The following PIK3R4 variants were observed in gnomAD, a reference collection of about 807,000 sequenced individuals.
PIK3R4 encodes the protein phosphoinositide 3-kinase regulatory subunit 4.
In PIK3R4, 46 loss-of-function variants were observed where a neutral mutation model predicts 136.5. The ratio of observed to expected loss-of-function variants is 0.34; its 90% CI spans 0.27 to 0.43. The LOEUF (loss-of-function observed/expected upper bound fraction) is 0.43, where lower values mean the gene tolerates loss of function less well. Ranked by LOEUF, PIK3R4 falls within the 20% of genes least tolerant of loss-of-function variation. PIK3R4 has a pLI of 1.00. For missense variants in PIK3R4, 1,331 were observed against 1,649.5 expected, an observed-to-expected ratio of 0.81 and a Z score of 3.35; for synonymous variants, 557 against 566.7, an observed-to-expected ratio of 0.98 and a Z score of 0.24.
intron 2 of PIK3R4, among the ~76,000 whole-genome samples, chr3:130,738,959 T>C (rs939710519): frequency 1.3e-5 from 2 of 152,262 alleles, no homozygotes; most frequent in Non-Finnish European, 1.5e-5. Flanking sequence ...AAAATCATTT[T>C]TGCAACCATC....
chr3:130,732,131 A>C (rs981005869), intron 4 of PIK3R4, among the ~76,000 whole-genome samples: 1 of 152,232 alleles, frequency 6.6e-6, no homozygotes, highest in Admixed American at 6.5e-5. Context: ...ATTAGACCGG[A>C]TACATTTGGG....
chr3:130,723,062 C>CAAAAAAAAAAAAAAAAAAAA (rs61129038), intron 7 of PIK3R4, among the ~76,000 whole-genome samples: 1 of 19,494 alleles, frequency 5.1e-5, no homozygotes, highest in Non-Finnish European at 9.5e-5. Context: ...GAGACTGTCG[C>CAAAAAAAAAAAAAAAAAAAA]AAAAAAAAAA....
In PIK3R4 at chr3:130,733,691, T is replaced by A; in HGVS notation, c.1307A>T (p.Glu436Val). 6.2e-7 allele frequency: 1 copy of A among 1,614,150 alleles called. No homozygotes were observed. Among genetic ancestry groups the A allele is most frequent in the Non-Finnish European group, 8.5e-7 (1 of 1,179,968 alleles). Residue 436 changes from glutamate to valine, a missense_variant, in exon 4 of 20, where the codon GAA becomes GTA. Physicochemically the swap from Glu to Val is moderately radical, Grantham distance 121. This residue lies in a region of PIK3R4 where 1,180 missense variants were observed against 1,407.0 expected (regional missense o/e 0.84). Coordinates refer to ENST00000356763, the MANE Select transcript of PIK3R4 (RefSeq NM_014602.3). ...SNDSVPRVRA[E>V]ALRTLTKVLA... ...AACTTTGGTCAACGTCCTCAAGGCT[T>A]CAGCCCTCACCCTAGGAACAGAGTC... is the stretch of plus-strand genomic sequence containing the variant.
intron 7 of PIK3R4, among the ~76,000 whole-genome samples, chr3:130,722,272 A>G (rs1285456610): frequency 6.6e-6 from 1 of 152,110 alleles, no homozygotes; most frequent in Non-Finnish European, 1.5e-5. Context: ...GTTCTAAGGG[A>G]GTTATCCATT....
chr3:130,697,463 T>A (rs1261328754), intron 13 of PIK3R4, among the ~76,000 whole-genome samples: 2 of 152,214 alleles, frequency 1.3e-5, no homozygotes, highest in African/African-American at 4.8e-5. Flanking sequence ...AGTGTGTCTA[T>A]CATACATAGC....
chr3:130,719,429 T>C (rs1052639391), intron 7 of PIK3R4, among the ~76,000 whole-genome samples: 2 of 152,220 alleles, frequency 1.3e-5, no homozygotes, highest in Admixed American at 6.5e-5. Flanking sequence ...CATAGGCTAA[T>C]AATACTTATA....
chr3:130,726,099 C>T (rs897681774), intron 6 of PIK3R4: 1 of 151,824 alleles, frequency 6.6e-6, no homozygotes, highest in African/African-American at 2.4e-5. Flanking sequence ...TCAGAAACAA[C>T]TACTTACATA....
At chr3:130,709,648 A>G (rs1049247542) in intron 9 of PIK3R4, among the ~76,000 whole-genome samples, 1 of 152,124 alleles carries the variant, frequency 6.6e-6, no homozygotes, top group Non-Finnish European at 1.5e-5. Context: ...TCTTTTTGTT[A>G]GTCTATGTTT....
chr3:130,739,888 G>A (rs562569038), intron 2 of PIK3R4, among the ~76,000 whole-genome samples: 1 of 152,244 alleles, frequency 6.6e-6, no homozygotes, highest in Admixed American at 6.5e-5. Context: ...ATCTTATCAT[G>A]AGGAAACATT....
chr3:130,719,896 T>A (rs531951934), intron 7 of PIK3R4, among the ~76,000 whole-genome samples: 1 of 152,266 alleles, frequency 6.6e-6, no homozygotes, highest in African/African-American at 2.4e-5. Context: ...GCTTCTGCCA[T>A]CACCATGAGA....
At chr3:130,704,666 G>A (rs1440192312) in intron 12 of PIK3R4, among the ~76,000 whole-genome samples, 1 of 151,910 alleles carries the variant, frequency 6.6e-6, no homozygotes, top group Non-Finnish European at 1.5e-5. Flanking sequence ...CATTACACTA[G>A]GCAAGTCTGT....
At chr3:130,704,178 CA>C (rs1231879856) in intron 12 of PIK3R4, among the ~76,000 whole-genome samples, 1 of 152,150 alleles carries the variant, frequency 6.6e-6, no homozygotes, top group Non-Finnish European at 1.5e-5. Flanking sequence ...AATGAAGGCA[CA>C]GGGGTACCTG....
rs372965032 is a variant in PIK3R4 at position 130,681,096 on chromosome 3, A to C, written c.3709-31T>G. On this transcript the variant is annotated intron_variant, in intron 17 of 19. Transcript: ENST00000356763. ...AAGAAATAGATGTGGAGTCAAATAA[A>C]AGACATCCGTGTATTCCATAAATGA... 2.6e-6 allele frequency: 3 copies of C among 1,166,832 alleles called. No homozygotes were observed. The African/African-American group carries it at 4.5e-5, about 18-fold the overall frequency. 72.3% of individuals were successfully genotyped at this position (1,166,832 alleles called of 1,614,324 possible).
chr3:130,723,062 CAAA>C (rs61129038), intron 7 of PIK3R4, among the ~76,000 whole-genome samples: 1 of 19,498 alleles, frequency 5.1e-5, no homozygotes, highest in Non-Finnish European at 9.5e-5. Context: ...GAGACTGTCG[CAAA>C]AAAAAAAAAA....
At chr3:130,724,090 A>T (rs759206279) in intron 6 of PIK3R4, among the ~76,000 whole-genome samples, 29 of 152,342 alleles carry the variant, frequency 1.9e-4, no homozygotes, top group Middle Eastern at 6.8e-3. Context: ...CCTAGAAATC[A>T]GTCAGCCCAG....
intron 12 of PIK3R4, among the ~76,000 whole-genome samples, chr3:130,704,412 T>G (rs114788313): frequency 0.011 from 1,745 of 152,262 alleles, 32 homozygotes; most frequent in African/African-American, 0.039. Context: ...ATAAGAAAAT[T>G]TATGCAACTA....
chr3:130,731,475 G>A (rs1319487051), intron 4 of PIK3R4, among the ~76,000 whole-genome samples: 1 of 152,078 alleles, frequency 6.6e-6, no homozygotes, highest in African/African-American at 2.4e-5. Flanking sequence ...AAGTAAGCAA[G>A]ATGTAAATAC....
intron 13 of PIK3R4, among the ~76,000 whole-genome samples, chr3:130,695,572 G>A (rs894296132): frequency 1.3e-5 from 2 of 152,136 alleles, no homozygotes; most frequent in African/African-American, 4.8e-5. Context: ...TGATCAGTCA[G>A]TCACTTAGTA....
At chr3:130,709,585 C>T (rs1391645415) in intron 9 of PIK3R4, among the ~76,000 whole-genome samples, 1 of 152,086 alleles carries the variant, frequency 6.6e-6, no homozygotes, top group East Asian at 1.9e-4. Flanking sequence ...ATGTCTCCTC[C>T]TAAAATTCGC....
Sources: gnomAD v4.1 joint callset for allele counts (sites outside exome capture counted in the v4.1 genomes callset) on GRCh38, gnomAD v4.1.1 for gene constraint, gnomAD v4.1.1 regional missense constraint, MANE v1.5 for transcripts, NCBI Gene and HGNC (gene_info 2026-07-23, HGNC 2026-07-21) for gene names.